Variants in PBX1 observed in about 807,000 individuals in gnomAD.
The protein encoded by PBX1 is pre-B-cell leukemia transcription factor 1.
PBX1 carries 6 observed loss-of-function variants against 53.4 expected under a neutral mutation model. The observed-to-expected ratio is 0.11, with a 90% CI of 0.06 to 0.22. The LOEUF is 0.22. Among genes scored for constraint, PBX1 ranks in the 10% least tolerant of loss-of-function variants. The pLI is 1.00. For synonymous variants in PBX1, 204 were observed against 212.3 expected (o/e 0.96, Z 0.34); for missense variants, 251 against 551.4 (o/e 0.46, Z 5.46).
At chr1:164,659,058 G>A (rs915176591) in intron 2 of PBX1, among the ~76,000 whole-genome samples, 2 of 152,158 alleles carry the variant, frequency 1.3e-5, no homozygotes, top group African/African-American at 4.8e-5. Context: ...CACAGTGTCT[G>A]ATGGGTAGGA....
intron 2 of PBX1, among the ~76,000 whole-genome samples, chr1:164,667,049 C>T (rs920875240): frequency 7.3e-5 from 11 of 151,616 alleles, no homozygotes; most frequent in African/African-American, 1.7e-4. Flanking sequence ...AGCCTGACAT[C>T]GTGTCTGTCT....
intron 8 of PBX1, among the ~76,000 whole-genome samples, chr1:164,843,878 C>G (rs1452493855): frequency 6.6e-6 from 1 of 152,090 alleles, no homozygotes; most frequent in Non-Finnish European, 1.5e-5. Context: ...TAATGAAACA[C>G]CACAGAACTA....
At chr1:164,757,890 A>C (rs1053912930) in intron 2 of PBX1, among the ~76,000 whole-genome samples, 1 of 152,150 alleles carries the variant, frequency 6.6e-6, no homozygotes, top group Admixed American at 6.5e-5. Flanking sequence ...GAACCTTTGG[A>C]TCTGATAAGA....
At chr1:164,697,437 C>T (rs988235962) in intron 2 of PBX1, among the ~76,000 whole-genome samples, 10 of 152,192 alleles carry the variant, frequency 6.6e-5, no homozygotes, top group Non-Finnish European at 2.9e-5. Context: ...CTTTAATTAG[C>T]CCTTTTCTAT....
At chr1:164,679,936 T>TA (rs397784940) in intron 2 of PBX1, 6 of 151,764 alleles carry the variant, frequency 4.0e-5, no homozygotes, top group Non-Finnish European at 7.4e-5. Flanking sequence ...GGTTTTTTTT[T>TA]ATTTGTCTGA....
intron 2 of PBX1, among the ~76,000 whole-genome samples, chr1:164,737,598 C>G (rs994775564): frequency 3.3e-5 from 5 of 151,994 alleles, no homozygotes; most frequent in Non-Finnish European, 7.3e-5. Context: ...CCTGCCTCAG[C>G]CTCCTGAATA....
chr1:164,860,764 C>A (rs1389103230), intron 2 of PBX1, among the ~76,000 whole-genome samples: 1 of 152,128 alleles, frequency 6.6e-6, no homozygotes, highest in African/African-American at 2.4e-5. Flanking sequence ...TGTCTTGGCT[C>A]CCCACATAAA....
rs72696426 is a variant in PBX1 at position 164,646,247 on chromosome 1, C to T, written c.265+82936C>T. Among the ~76,000 whole-genome samples the T allele has an allele frequency of 3.9e-3, 594 of 152,208 alleles. 5 individuals are homozygous for T. The highest frequency in any genetic ancestry group is 6.2e-3 in the Non-Finnish European group (421 of 67,994). On this transcript the variant is annotated intron_variant, in intron 2 of 8. Coordinates refer to ENST00000420696, the MANE Select transcript of PBX1 (RefSeq NM_002585.4). ...CATGCTGGTTAAAGGAACAAAGAAA[C>T]AAGTGAAAAATCCCATTTTAATCCT... is the stretch of plus-strand genomic sequence containing the variant.
intron 8 of PBX1, among the ~76,000 whole-genome samples, chr1:164,830,781 G>A (rs771306729): frequency 3.6e-4 from 54 of 152,052 alleles, no homozygotes; most frequent in Non-Finnish European, 7.1e-4. Flanking sequence ...CTTCCTCCCT[G>A]CCCTGCTAGT....
chr1:164,713,966 G>A (rs980209706), intron 2 of PBX1, among the ~76,000 whole-genome samples: 1 of 152,156 alleles, frequency 6.6e-6, no homozygotes, highest in Non-Finnish European at 1.5e-5. Flanking sequence ...TGATTTCACA[G>A]CTCACGTGTT....
intron 2 of PBX1, among the ~76,000 whole-genome samples, chr1:164,629,218 T>C (rs538683488): frequency 6.6e-6 from 1 of 151,992 alleles, no homozygotes; most frequent in South Asian, 2.1e-4. Context: ...CTGATACTCA[T>C]GATCTAAAAT....
At chr1:164,822,074 T>G (rs919263055) in intron 8 of PBX1, among the ~76,000 whole-genome samples, 3 of 152,002 alleles carry the variant, frequency 2.0e-5, no homozygotes, top group Non-Finnish European at 2.9e-5. Context: ...AAAAGAAAAT[T>G]AACACAGAAG....
intron 2 of PBX1, among the ~76,000 whole-genome samples, chr1:164,590,189 G>A (rs1275278968): frequency 6.7e-6 from 1 of 149,482 alleles, no homozygotes; most frequent in African/African-American, 2.5e-5. Context: ...TCCAGCCTGG[G>A]CAACAGAGCG....
intron 2 of PBX1, among the ~76,000 whole-genome samples, chr1:164,726,052 G>C (rs578022812): frequency 3.5e-4 from 53 of 152,312 alleles, no homozygotes; most frequent in Non-Finnish European, 6.6e-4. Context: ...CTGGAAAAGT[G>C]TTATACTGCC....
At chr1:164,732,426 CCCTTT>C (rs1665045040) in intron 2 of PBX1, among the ~76,000 whole-genome samples, 1 of 152,010 alleles carries the variant, frequency 6.6e-6, no homozygotes, top group African/African-American at 2.4e-5. Context: ...AAAAATGTTC[CCCTTT>C]CCTTAATTCT....
At chr1:164,882,792 G>A (rs1672691559) in intron 2 of PBX1, among the ~76,000 whole-genome samples, 1 of 152,000 alleles carries the variant, frequency 6.6e-6, no homozygotes. Context: ...AGGAACAGGT[G>A]TACTTATTTT....
At chr1:164,873,837 G>A (rs1672437912) in intron 2 of PBX1, among the ~76,000 whole-genome samples, 1 of 152,094 alleles carries the variant, frequency 6.6e-6, no homozygotes, top group African/African-American at 2.4e-5. Context: ...GTGACTCTCA[G>A]AGCCAGTGCC....
chr1:164,732,989 T>C (rs752670704), intron 2 of PBX1, among the ~76,000 whole-genome samples: 20 of 152,234 alleles, frequency 1.3e-4, no homozygotes, highest in Non-Finnish European at 2.9e-5. Flanking sequence ...AGTTGCTTAA[T>C]GCAATGTATA....
intron 2 of PBX1, among the ~76,000 whole-genome samples, chr1:164,695,802 G>T (rs983813610): frequency 1.3e-5 from 2 of 152,170 alleles, no homozygotes; most frequent in African/African-American, 4.8e-5. Context: ...AGATAAAAGC[G>T]AGAGAGCCCT....
Sources: allele counts gnomAD v4.1 joint callset (sites outside exome capture counted in the v4.1 genomes callset), GRCh38; gene constraint gnomAD v4.1.1; transcripts MANE v1.5; gene names NCBI Gene and HGNC (gene_info 2026-07-23, HGNC 2026-07-21).